KRIT1: variants seen among roughly 807,000 people sequenced by gnomAD.
The protein encoded by KRIT1 is KRIT1 ankyrin repeat containing, also known as krev interaction trapped protein 1.
In KRIT1, 45 loss-of-function variants were observed where a neutral mutation model predicts 95.8. The observed-to-expected ratio is 0.47, with a 90% CI of 0.37 to 0.60. KRIT1 has a LOEUF of 0.60. Among genes scored for constraint, KRIT1 ranks in the 20% least tolerant of loss-of-function variants. The probability of loss-of-function intolerance (pLI) is 0.00; values close to 1 mark genes in which losing one functional copy is unlikely to be tolerated. For synonymous variants in KRIT1, 282 were observed against 278.8 expected (o/e 1.01, Z -0.11); for missense variants, 788 against 877.5 (o/e 0.90, Z 1.29).
chr7:92,214,316 T>C (rs1200757167), intron 15 of KRIT1, among the ~76,000 whole-genome samples: 1 of 152,140 alleles, frequency 6.6e-6, no homozygotes, highest in Non-Finnish European at 1.5e-5. Flanking sequence ...ACATCTGCCT[T>C]ATAAAATGTT....
intron 17 of KRIT1, among the ~76,000 whole-genome samples, chr7:92,204,562 C>T (rs1213171711): frequency 6.6e-6 from 1 of 151,906 alleles, no homozygotes; most frequent in African/African-American, 2.4e-5. Flanking sequence ...ATGGTCCCAT[C>T]TGGGGGTGAT....
rs537454738 is a variant in KRIT1 at position 92,201,867 on chromosome 7, C to T, written c.2026-444G>A. On this transcript the variant is annotated intron_variant, in intron 17 of 18. Transcript: ENST00000394505. The stretch of plus-strand genomic sequence containing the variant: ...TTAATGAAGCCTTTTCAAAGCACCC[C>T]GCACTAACCTCACACAGCCTGCAGC... Among the ~76,000 whole-genome samples, 3 of 152,226 alleles carry T rather than the reference C, an allele frequency of 2.0e-5. No individual in the cohort carries two copies. The East Asian group carries it at 5.8e-4, about 29-fold the overall frequency.
intron 10 of KRIT1, among the ~76,000 whole-genome samples, chr7:92,233,568 G>A (rs1345834564): frequency 6.6e-5 from 10 of 151,946 alleles, no homozygotes; most frequent in South Asian, 4.2e-4. Context: ...CACCACGCCC[G>A]GCTAATTTTT....
At chr7:92,229,267 T>C (rs1796812316) in intron 10 of KRIT1, among the ~76,000 whole-genome samples, 1 of 152,168 alleles carries the variant, frequency 6.6e-6, no homozygotes, top group Admixed American at 6.5e-5. Flanking sequence ...TTTATGACTT[T>C]TTAATCATAG....
intron 10 of KRIT1, among the ~76,000 whole-genome samples, chr7:92,232,713 A>G (rs1204918147): frequency 1.3e-5 from 2 of 151,138 alleles, no homozygotes; most frequent in African/African-American, 4.9e-5. Flanking sequence ...CTTTTTTTTG[A>G]GATGGAGTCT....
chr7:92,237,613 C>T (rs1798688777), intron 6 of KRIT1, 54 bp downstream of exon 6: 2 of 1,021,224 alleles, frequency 2.0e-6, no homozygotes, highest in South Asian at 1.3e-5. Context: ...CTCAATAGAC[C>T]TTTACTTAGC....
chr7:92,213,936 T>G lies in KRIT1; in HGVS notation c.1774A>C (p.Ser592Arg). 2 of 1,611,242 alleles carry G rather than the reference T, an allele frequency of 1.2e-6. No homozygotes were observed. The highest frequency in any genetic ancestry group is 1.7e-6 in the Non-Finnish European group (2 of 1,177,554). Residue 592 changes from serine (S) to arginine (R), a missense_variant, in exon 16 of 19, where the codon AGT (serine) becomes CGT (arginine). Coordinates refer to ENST00000394505, the MANE Select transcript of KRIT1 (RefSeq NM_194454.3). ...KSIVPVTKLK[S>R]KAPHWTNRIL... ...CGATTTGTCCAGTGAGGTGCCTTAC[T>G]TTTCAGTTTGGTAACAGGTACGATG...
At chr7:92,212,666 TA>T (rs1194148565) in intron 17 of KRIT1, among the ~76,000 whole-genome samples, 1 of 152,332 alleles carries the variant, frequency 6.6e-6, no homozygotes, top group Admixed American at 6.5e-5. Flanking sequence ...TTCCAGTTTC[TA>T]GAACTGTGAG....
At chr7:92,229,633 G>A (rs893072437) in intron 10 of KRIT1, among the ~76,000 whole-genome samples, 10 of 152,116 alleles carry the variant, frequency 6.6e-5, no homozygotes, top group East Asian at 1.9e-4. Flanking sequence ...TCCTGATTTC[G>A]TTCAGGTTAA....
At chr7:92,231,334 T>C (rs1052872776) in intron 10 of KRIT1, among the ~76,000 whole-genome samples, 2 of 152,196 alleles carry the variant, frequency 1.3e-5, no homozygotes, top group African/African-American at 2.4e-5. Flanking sequence ...TGTTAACATA[T>C]ATAGGTATTG....
intron 10 of KRIT1, among the ~76,000 whole-genome samples, chr7:92,229,895 G>T (rs543278178): frequency 2.3e-4 from 35 of 152,172 alleles, no homozygotes; most frequent in African/African-American, 7.9e-4. Context: ...AAACTACTTA[G>T]GGGAAGGCAA....
intron 10 of KRIT1, among the ~76,000 whole-genome samples, chr7:92,231,425 C>T (rs1035418157): frequency 6.6e-6 from 1 of 152,080 alleles, no homozygotes; most frequent in Non-Finnish European, 1.5e-5. Flanking sequence ...TAAACAAAAA[C>T]TCTTGGGAAT....
chr7:92,227,580 G>A (rs1241067853), intron 10 of KRIT1, among the ~76,000 whole-genome samples: 2 of 152,050 alleles, frequency 1.3e-5, no homozygotes, highest in African/African-American at 4.8e-5. Context: ...CTATGCCCAG[G>A]CTGGAGTGCA....
chr7:92,221,311 C>T (rs1584868129), intron 14 of KRIT1, among the ~76,000 whole-genome samples: 1 of 152,040 alleles, frequency 6.6e-6, no homozygotes. Flanking sequence ...TGGTGGCACA[C>T]GCCTATAATC....
rs1798702339 is a variant in KRIT1, at chr7:92,237,660, A to G, written c.355+7T>C. 2 of 1,523,404 alleles carry G rather than the reference A, an allele frequency of 1.3e-6. No individual in the cohort carries two copies. The highest frequency in any genetic ancestry group is 2.7e-5 in the African/African-American group (2 of 73,210). The allele number at this position is 1,523,404 out of a possible 1,614,324, so 94.4% of individuals were successfully genotyped here. ...ATAAAGATTTGTAAGATACATTTAGACTTTACCTTTGACAACTGATGGAAC... is the reference window on the plus strand; with the variant it reads ...ATAAAGATTTGTAAGATACATTTAGGCTTTACCTTTGACAACTGATGGAAC... On this transcript the variant is annotated splice_region_variant and intron_variant, in intron 6 of 18. Coordinates refer to ENST00000394505, the MANE Select transcript of KRIT1 (RefSeq NM_194454.3).
intron 17 of KRIT1, among the ~76,000 whole-genome samples, chr7:92,204,743 T>A (rs904979194): frequency 5.9e-5 from 9 of 152,050 alleles, no homozygotes; most frequent in Non-Finnish European, 8.8e-5. Flanking sequence ...GGGAGTGCTG[T>A]AAATACAGAT....
chr7:92,222,960 A>G lies in KRIT1; in HGVS notation c.1273T>C (p.Tyr425His), dbSNP rs1032651526. Residue 425 changes from tyrosine (Y) to histidine (H), a missense_variant, in exon 13 of 19, where the codon TAC becomes CAC. Transcript: ENST00000394505. ...INKPYEKVRIYRMDGSYRSVE... is the reference protein window; with the variant it reads ...INKPYEKVRIHRMDGSYRSVE... ...GAACGATATGACCCATCCATTCTGT[A>G]TATTCGAACTTTTTCATACTACAAG... 10 of 1,609,234 alleles carry G rather than the reference A, an allele frequency of 6.2e-6. No homozygotes were observed. The highest frequency in any genetic ancestry group is 2.7e-5 in the African/African-American group (2 of 74,824).
At chr7:92,216,043 C>T (rs891139186) in intron 14 of KRIT1, among the ~76,000 whole-genome samples, 1 of 151,826 alleles carries the variant, frequency 6.6e-6, no homozygotes, top group Non-Finnish European at 1.5e-5. Context: ...TGCTGGCTAA[C>T]ACGGTGAAAC....
intron 11 of KRIT1, 52 bp downstream of exon 11, chr7:92,226,470 ATTAC>A: frequency 7.8e-7 from 1 of 1,280,984 alleles, no homozygotes; most frequent in Non-Finnish European, 1.1e-6. Flanking sequence ...TTTTAGTGTC[ATTAC>A]TTGTTATTCA....
Sources: allele counts gnomAD v4.1 joint callset (sites outside exome capture counted in the v4.1 genomes callset), GRCh38; gene constraint gnomAD v4.1.1; transcripts MANE v1.5; gene names NCBI Gene and HGNC (gene_info 2026-07-23, HGNC 2026-07-21).